Variants in KRT5 observed in about 807,000 individuals in gnomAD.
The protein encoded by KRT5 is keratin, type II cytoskeletal 5.
In KRT5, 17 loss-of-function variants were observed where a neutral mutation model predicts 44.0. The ratio of observed to expected loss-of-function variants is 0.39; its 90% CI spans 0.26 to 0.58. The LOEUF is 0.58. Ranked by LOEUF, KRT5 falls within the 20% of genes least tolerant of loss-of-function variation. KRT5 has a pLI of 0.61. For synonymous variants in KRT5, 329 were observed against 312.8 expected (o/e 1.05, Z -0.55); for missense variants, 737 against 785.5 (o/e 0.94, Z 0.74).
Position 52,515,010 on chromosome 12 carries a change from C to A in KRT5, c.1705G>T (p.Gly569Trp), listed in dbSNP as rs148276250. Residue 569 changes from glycine (G) to tryptophan (W), a missense_variant, in exon 9 of 9, where the codon GGG (glycine) becomes TGG (tryptophan). Coordinates refer to ENST00000252242, the MANE Select transcript of KRT5 (RefSeq NM_000424.4). ...RGLGVGFGSG[G>W]GSSSSVKFVS... ...AATTTGACGCTGGAGCTGCTACCCC[C>A]GCCACTGCCAAAGCCCACCCCCAGC... 1 of 1,613,170 alleles carries A rather than the reference C, an allele frequency of 6.2e-7. No homozygotes were observed. Among genetic ancestry groups the A allele is most frequent in the Non-Finnish European group, 8.5e-7 (1 of 1,179,716 alleles).
Position 52,517,672 on chromosome 12 carries a change from C to A in KRT5, c.1010G>T (p.Ser337Ile). 1 of 1,614,200 alleles carries A rather than the reference C, an allele frequency of 6.2e-7. No homozygotes were observed. The highest frequency in any genetic ancestry group is 1.1e-5 in the South Asian group (1 of 91,086). The change falls in exon 5 of 9, where the codon AGC becomes ATC. Residue 337 changes from serine to isoleucine, a missense_variant. Physicochemically the swap from Ser to Ile is moderately radical, Grantham distance 142. Coordinates refer to ENST00000252242, the MANE Select transcript of KRT5 (RefSeq NM_000424.4). ...MDNNRNLDLD[S>I]IIAEVKAQYE... Reference sequence around the variant, plus strand: ...CTGGGCCTTGACCTCAGCGATGATGCTATCCAGGTCCAGGTTGCGGTTGTT... The same window carrying A: ...CTGGGCCTTGACCTCAGCGATGATGATATCCAGGTCCAGGTTGCGGTTGTT...
chr12:52,520,336 G>C lies in KRT5; in HGVS notation c.-40C>G. The C allele has an allele frequency of 6.3e-7, 1 of 1,599,286 alleles. No homozygotes were observed. Reference sequence around the variant, plus strand: ...GGTGGAGCAAGAGAACCAGGCACTAGTGGGTTGGGAGGTGCTGGAGAGAAC... The same window carrying C: ...GGTGGAGCAAGAGAACCAGGCACTACTGGGTTGGGAGGTGCTGGAGAGAAC... On this transcript the variant is annotated 5_prime_UTR_variant, in exon 1 of 9. Transcript: ENST00000252242.
At chr12:52,519,288 C>T in intron 1 of KRT5, 128 bp from the exon 2 acceptor site, 1 of 1,409,444 alleles carries the variant, frequency 7.1e-7, no homozygotes, top group Non-Finnish European at 9.8e-7. Context: ...GGCCCTGGGC[C>T]CCAGGAGGGG....
At position 52,514,933 on chromosome 12, in the gene KRT5, A is replaced by C; in HGVS notation, c.*9T>G. 3.7e-6 allele frequency: 6 copies of C among 1,612,672 alleles called. No homozygotes were observed. Among genetic ancestry groups the C allele is most frequent in the African/African-American group, 1.3e-5 (1 of 74,976 alleles). On this transcript the variant is annotated 3_prime_UTR_variant, in exon 9 of 9. Coordinates refer to ENST00000252242, the MANE Select transcript of KRT5 (RefSeq NM_000424.4). ...CTGCACTTGGAAGGCAGTGACTTGC[A>C]GCAGGTTCTTAGCTCTTGAAGCTCT...
intron 7 of KRT5, 86 bp from the exon 8 acceptor site, chr12:52,515,918 C>T (rs773151927): frequency 2.3e-5 from 27 of 1,152,554 alleles, no homozygotes; most frequent in Admixed American, 6.8e-5. Flanking sequence ...CCTCATGATT[C>T]GAGTTCATTC....
At position 52,514,617 on chromosome 12, in the gene KRT5, T is replaced by G. The variant is rs1938573724; in HGVS notation, c.*325A>C. 7.7e-6 allele frequency: 3 copies of G among 391,568 alleles called. No individual in the cohort carries two copies. Among genetic ancestry groups the G allele is most frequent in the Non-Finnish European group, 1.4e-5 (3 of 217,740 alleles). 24.3% of individuals were successfully genotyped at this position (391,568 alleles called of 1,614,324 possible). On this transcript the variant is annotated 3_prime_UTR_variant, in exon 9 of 9. Transcript: ENST00000252242. Reference sequence around the variant, plus strand: ...TTTATTGAACACATTCTGGAGGTAGTTAGAACCAAAACAAAATTTGGGATT... The same window carrying G: ...TTTATTGAACACATTCTGGAGGTAGGTAGAACCAAAACAAAATTTGGGATT...
intron 8 of KRT5, 177 bp downstream of exon 8, chr12:52,515,621 G>A: frequency 1.5e-6 from 1 of 685,376 alleles, no homozygotes; most frequent in South Asian, 1.7e-5. Context: ...AAGCCACATT[G>A]CTTCCTGTCC....
Position 52,519,109 on chromosome 12 carries a change from G to C in KRT5, c.607C>G (p.Leu203Val), listed in dbSNP as rs1938666151. 1 of 1,614,228 alleles carries C rather than the reference G, an allele frequency of 6.2e-7. No individual in the cohort carries two copies. The highest frequency in any genetic ancestry group is 1.3e-5 in the African/African-American group (1 of 75,064). The change falls in exon 2 of 9, where the codon CTG (leucine) becomes GTG (valine). Residue 203 changes from leucine to valine, a missense_variant. This residue lies in a region of KRT5 where 326 missense variants were observed against 333.1 expected (regional missense o/e 0.98). Transcript: ENST00000252242. ...NKVLDTKWTL[L>V]QEQGTKTVRQ... Reference sequence around the variant, plus strand: ...ACAGTCTTGGTGCCCTGCTCCTGCAGCAGGGTCCACTTGGTGTCCAGAACC... The same window carrying C: ...ACAGTCTTGGTGCCCTGCTCCTGCACCAGGGTCCACTTGGTGTCCAGAACC...
chr12:52,517,029 G>GTAAAACAAAA (rs765038749), intron 6 of KRT5, 78 bp downstream of exon 6: 121 of 1,592,108 alleles, frequency 7.6e-5, no homozygotes, highest in Admixed American at 3.7e-4. Flanking sequence ...TTTAGCAAAA[G>GTAAAACAAAA]TAAAACAAAA....
At chr12:52,516,920 T>C in intron 6 of KRT5, 63 bp from the exon 7 acceptor site, 1 of 1,591,778 alleles carries the variant, frequency 6.3e-7, no homozygotes, top group South Asian at 1.1e-5. Flanking sequence ...TCTGAGTTTC[T>C]GGGTCAGACA....
intron 8 of KRT5, 108 bp from the exon 9 acceptor site, chr12:52,515,348 C>T: frequency 1.3e-6 from 2 of 1,493,638 alleles, no homozygotes; most frequent in Middle Eastern, 1.7e-4. Context: ...ACCCCCTTTA[C>T]AGAGTAGCAA....
At chr12:52,515,491 G>GGGAGCTAGGTACTGAGGGGA in intron 8 of KRT5, 1 of 630,848 alleles carries the variant, frequency 1.6e-6, no homozygotes, top group Non-Finnish European at 2.8e-6. Flanking sequence ...AGGTACTGAG[G>GGGAGCTAGGTACTGAGGGGA]GGAGCTAGGT....
Position 52,518,932 on chromosome 12 carries a change from C to G in KRT5, c.770+14G>C, listed in dbSNP as rs1393838256. 1 of 1,614,074 alleles carries G rather than the reference C, an allele frequency of 6.2e-7. No homozygotes were observed. The highest frequency in any genetic ancestry group is 8.5e-7 in the Non-Finnish European group (1 of 1,180,032). The stretch of plus-strand genomic sequence containing the variant: ...CACCACCCTCCCCTGTGTCCACCCT[C>G]CACCCCAACTCACTTGTTCTTGAAG... On this transcript the variant is annotated intron_variant, in intron 2 of 8. Coordinates refer to ENST00000252242, the MANE Select transcript of KRT5 (RefSeq NM_000424.4).
intron 1 of KRT5, 78 bp downstream of exon 1, chr12:52,519,664 A>C: frequency 1.4e-6 from 2 of 1,468,138 alleles, no homozygotes; most frequent in Admixed American, 3.3e-5. Flanking sequence ...GCACAAAGCC[A>C]AAACATCTTC....
At position 52,514,777 on chromosome 12, in the gene KRT5, TG is replaced by T; in HGVS notation, c.*164del. On this transcript the variant is annotated 3_prime_UTR_variant, in exon 9 of 9. Coordinates refer to ENST00000252242, the MANE Select transcript of KRT5 (RefSeq NM_000424.4). ...AACTGCGGCACGGGAGACCAGGGGC[TG>T]GGAATGGGGCTCTCCTGGGAACCAA... 1 of 656,422 alleles carries T rather than the reference TG, an allele frequency of 1.5e-6. No homozygotes were observed. Among genetic ancestry groups the T allele is most frequent in the East Asian group, 2.6e-5 (1 of 38,592 alleles). 40.7% of individuals were successfully genotyped at this position (656,422 alleles called of 1,614,324 possible).
intron 7 of KRT5, chr12:52,516,333 A>T (rs12231139): frequency 2.3e-6 from 1 of 437,326 alleles, no homozygotes; most frequent in Non-Finnish European, 4.3e-6. Context: ...TGGGCATGAC[A>T]TGGATATTGA....
At chr12:52,516,081 G>A (rs1938604975) in intron 7 of KRT5, 3 of 580,126 alleles carry the variant, frequency 5.2e-6, no homozygotes, top group Non-Finnish European at 9.2e-6. Context: ...TATGGGGAAA[G>A]TATAAGAGAT....
chr12:52,515,571 A>T (rs1938596990), intron 8 of KRT5: 1 of 635,002 alleles, frequency 1.6e-6, no homozygotes. Flanking sequence ...GGGTCCAAGA[A>T]GCATAGGATG....
chr12:52,517,140 C>A lies in KRT5; in HGVS notation c.1185G>T (p.Arg395Ser). Residue 395 changes from arginine (R) to serine (S), a missense_variant, in exon 6 of 9, where the codon AGG becomes AGT. Transcript: ENST00000252242. ...TGACATTGTCAATCTCGGCTCTCAG[C>A]CTCTGGATCATCCGGTTCATCTCAG... ...EISEMNRMIQRLRAEIDNVKK... is the reference protein window; with the variant it reads ...EISEMNRMIQSLRAEIDNVKK... 6.2e-7 allele frequency: 1 copy of A among 1,614,180 alleles called. No homozygotes were observed. The highest frequency in any genetic ancestry group is 8.5e-7 in the Non-Finnish European group (1 of 1,180,036).
Sources: allele counts gnomAD v4.1 joint callset, GRCh38; gene constraint gnomAD v4.1.1; regional missense constraint gnomAD v4.1.1; transcripts MANE v1.5; gene names NCBI Gene and HGNC (gene_info 2026-07-23, HGNC 2026-07-21).